MLLT3: variants seen among roughly 807,000 people sequenced by gnomAD.
The protein encoded by MLLT3 is protein AF-9.
MLLT3 carries 4 observed loss-of-function variants against 53.2 expected under a neutral mutation model. The observed-to-expected ratio is 0.08, with a 90% CI of 0.04 to 0.17. The LOEUF (loss-of-function observed/expected upper bound fraction) is 0.17. MLLT3 is among the 10% of genes least tolerant of loss of function. MLLT3 has a pLI of 1.00. For missense variants in MLLT3, 569 were observed against 684.0 expected (o/e 0.83, Z 1.87); for synonymous variants, 283 against 230.6 (o/e 1.23, Z -2.06).
chr9:20,562,572 G>A (rs376186627), intron 2 of MLLT3, among the ~76,000 whole-genome samples: 1 of 151,984 alleles, frequency 6.6e-6, no homozygotes, highest in South Asian at 2.1e-4. Flanking sequence ...TGTAATAAAA[G>A]AAACTGCAAA....
At chr9:20,385,304 C>T (rs1047511578) in intron 5 of MLLT3, among the ~76,000 whole-genome samples, 6 of 151,986 alleles carry the variant, frequency 3.9e-5, no homozygotes, top group Non-Finnish European at 8.8e-5. Flanking sequence ...GAAGGGGCTA[C>T]GGAAAGATAA....
intron 2 of MLLT3, among the ~76,000 whole-genome samples, chr9:20,582,315 T>G (rs149677790): frequency 5.1e-4 from 78 of 152,304 alleles, no homozygotes; most frequent in Non-Finnish European, 1.0e-3. Flanking sequence ...ATGTATAACG[T>G]CATGTAACCA....
chr9:20,424,128 A>G (rs896253580), intron 4 of MLLT3, among the ~76,000 whole-genome samples: 3 of 152,182 alleles, frequency 2.0e-5, no homozygotes, highest in African/African-American at 7.2e-5. Context: ...TTGAGGATTC[A>G]TAGATTTTGG....
At chr9:20,348,233 T>A (rs1820927070) in intron 10 of MLLT3, among the ~76,000 whole-genome samples, 1 of 152,226 alleles carries the variant, frequency 6.6e-6, no homozygotes, top group Non-Finnish European at 1.5e-5. Context: ...TCCTTAATTT[T>A]TTTTTATTAA....
intron 2 of MLLT3, among the ~76,000 whole-genome samples, chr9:20,541,917 T>C (rs1818643131): frequency 6.6e-6 from 1 of 152,154 alleles, no homozygotes; most frequent in Non-Finnish European, 1.5e-5. Flanking sequence ...CATCAAATTC[T>C]TCCAAAATCC....
intron 5 of MLLT3, among the ~76,000 whole-genome samples, chr9:20,403,444 T>C (rs190536809): frequency 6.6e-6 from 1 of 152,168 alleles, no homozygotes; most frequent in African/African-American, 2.4e-5. Flanking sequence ...CTCCTTCAAA[T>C]CTTGTTTTTT....
intron 2 of MLLT3, among the ~76,000 whole-genome samples, chr9:20,463,151 G>C (rs1824152810): frequency 1.3e-5 from 2 of 152,106 alleles, no homozygotes; most frequent in Non-Finnish European, 2.9e-5. Context: ...TTTGGAATAA[G>C]AATTTGAGAC....
At chr9:20,417,683 T>C (rs964680115) in intron 4 of MLLT3, among the ~76,000 whole-genome samples, 8 of 152,314 alleles carry the variant, frequency 5.3e-5, no homozygotes, top group African/African-American at 1.9e-4. Context: ...CTTTACAACC[T>C]GTGACTATAG....
rs7870982 is a variant in MLLT3 at position 20,460,327 on chromosome 9, T to G, written c.194-3541A>C. ...AGGCCAAGTTTCAGAAGCTACTGAA[T>G]GAATATTCACCTTTAGAAAGCCATT... On this transcript the variant is annotated intron_variant, in intron 2 of 10. Transcript: ENST00000380338. Among the ~76,000 whole-genome samples, 942 of 152,334 alleles carry G rather than the reference T, an allele frequency of 6.2e-3. 8 individuals are homozygous for G. The highest frequency in any genetic ancestry group is 0.021 in the African/African-American group (878 of 41,574).
intron 2 of MLLT3, among the ~76,000 whole-genome samples, chr9:20,548,034 C>T (rs1173844259): frequency 2.0e-5 from 3 of 152,220 alleles, no homozygotes; most frequent in Non-Finnish European, 4.4e-5. Flanking sequence ...CATTTGACTA[C>T]TTGACTTGTA....
At position 20,620,979 on chromosome 9, in the gene MLLT3, C is replaced by T. The variant is rs1467480990; in HGVS notation, c.13-145G>A. The T allele has an allele frequency of 4.0e-6, 4 of 1,004,486 alleles. No homozygotes were observed. In the South Asian group the frequency reaches 5.5e-5, roughly 14 times the overall value. 62.2% of individuals were successfully genotyped at this position (1,004,486 alleles called of 1,614,324 possible). A position where few individuals can be genotyped will look rare whatever the true frequency, so the allele number is the denominator to read the frequency against. Reference sequence around the variant, plus strand: ...GCCCTCTGCATCCACGTTTCACGCGCGTGGGCGCGCACACTCCACACCCCC... The same window carrying T: ...GCCCTCTGCATCCACGTTTCACGCGTGTGGGCGCGCACACTCCACACCCCC... On this transcript the variant is annotated intron_variant, in intron 1 of 10. Transcript: ENST00000380338. The surrounding 1 kb of genome is among the most constrained non-coding windows in gnomAD (Gnocchi z 6.1).
chr9:20,575,620 C>T (rs1239217289), intron 2 of MLLT3, among the ~76,000 whole-genome samples: 1 of 152,100 alleles, frequency 6.6e-6, no homozygotes. Context: ...CTCCATCGAG[C>T]TCTTGGGTGA....
intron 2 of MLLT3, among the ~76,000 whole-genome samples, chr9:20,587,645 AG>A (rs1469895715): frequency 6.6e-6 from 1 of 152,218 alleles, no homozygotes; most frequent in Non-Finnish European, 1.5e-5. Context: ...TCTTCTTTTG[AG>A]AAGTGTCTGT....
chr9:20,383,464 T>C (rs1821952680), intron 5 of MLLT3, among the ~76,000 whole-genome samples: 3 of 151,928 alleles, frequency 2.0e-5, no homozygotes, highest in African/African-American at 7.2e-5. Context: ...TCTAGCTATG[T>C]GACCTTAGCA....
At chr9:20,548,593 T>C (rs1434489884) in intron 2 of MLLT3, among the ~76,000 whole-genome samples, 1 of 152,178 alleles carries the variant, frequency 6.6e-6, no homozygotes, top group Non-Finnish European at 1.5e-5. Context: ...GTGAAATTGT[T>C]CTAAAATCCA....
chr9:20,572,329 T>G (rs186826641), intron 2 of MLLT3, among the ~76,000 whole-genome samples: 8 of 152,292 alleles, frequency 5.3e-5, no homozygotes, highest in Non-Finnish European at 1.5e-5. Context: ...ATACGGTATA[T>G]TTCAAAATTG....
intron 4 of MLLT3, among the ~76,000 whole-genome samples, chr9:20,430,651 A>T (rs184870744): frequency 6.6e-6 from 1 of 152,144 alleles, no homozygotes; most frequent in Non-Finnish European, 1.5e-5. Context: ...CAAAACTTCT[A>T]AAACTTTTCA....
chr9:20,559,950 G>A (rs190407965), intron 2 of MLLT3, among the ~76,000 whole-genome samples: 42 of 152,062 alleles, frequency 2.8e-4, no homozygotes, highest in Middle Eastern at 6.8e-3. Flanking sequence ...TTTTACTTTG[G>A]GCAACACCAG....
intron 3 of MLLT3, among the ~76,000 whole-genome samples, chr9:20,450,638 G>A (rs1448911835): frequency 6.6e-6 from 1 of 152,046 alleles, no homozygotes; most frequent in Non-Finnish European, 1.5e-5. Context: ...CCCCTCTATT[G>A]CCTAGTTAAT....
Sources: gnomAD v4.1 joint callset for allele counts (sites outside exome capture counted in the v4.1 genomes callset) on GRCh38, gnomAD v4.1.1 for gene constraint, Gnocchi (gnomAD v3.1) non-coding constraint, MANE v1.5 for transcripts, NCBI Gene and HGNC (gene_info 2026-07-23, HGNC 2026-07-21) for gene names.